CSMD3: variants seen among roughly 807,000 people sequenced by gnomAD.
CSMD3 encodes CUB and sushi domain-containing protein 3.
CSMD3 carries 177 observed loss-of-function variants against 435.2 expected under a neutral mutation model. The ratio of observed to expected loss-of-function variants is 0.41; its 90% confidence interval spans 0.36 to 0.46. The LOEUF is 0.46. Ranked by LOEUF, CSMD3 falls within the 20% of genes least tolerant of loss-of-function variation. The pLI is 0.34. For synonymous variants in CSMD3, 1,656 were observed against 1,520.5 expected (o/e 1.09, Z -2.07); for missense variants, 4,265 against 4,504.6 (o/e 0.95, Z 1.52).
At chr8:113,016,860 C>T (rs932189599) in intron 6 of CSMD3, among the ~76,000 whole-genome samples, 5 of 151,730 alleles carry the variant, frequency 3.3e-5, no homozygotes, top group South Asian at 2.1e-4. Context: ...TCTTAGTACA[C>T]ATATATTTTT....
At chr8:112,282,828 G>A (rs1818794714) in intron 58 of CSMD3, among the ~76,000 whole-genome samples, 1 of 152,062 alleles carries the variant, frequency 6.6e-6, no homozygotes. Context: ...CTGCAATATT[G>A]ACATTTAGGA....
chr8:112,671,746 G>A (rs2075660787), intron 16 of CSMD3, among the ~76,000 whole-genome samples: 2 of 151,938 alleles, frequency 1.3e-5, no homozygotes, highest in Admixed American at 6.6e-5. Context: ...TACTTCCACA[G>A]TAGATTTATT....
chr8:113,239,819 C>CAT (rs1212448978), intron 3 of CSMD3, among the ~76,000 whole-genome samples: 6 of 152,058 alleles, frequency 3.9e-5, no homozygotes, highest in East Asian at 1.9e-4. Flanking sequence ...TTAGAAAATA[C>CAT]ATATATCCTC....
chr8:112,603,215 C>G (rs1832520421), intron 22 of CSMD3, among the ~76,000 whole-genome samples: 1 of 152,172 alleles, frequency 6.6e-6, no homozygotes, highest in African/African-American at 2.4e-5. Context: ...TGACATTTTT[C>G]TGCTTCTTGG....
At chr8:112,274,806 T>C (rs1817875812) in intron 59 of CSMD3, among the ~76,000 whole-genome samples, 1 of 152,106 alleles carries the variant, frequency 6.6e-6, no homozygotes, top group Admixed American at 6.5e-5. Flanking sequence ...CTCATGCAAG[T>C]ATGTATCTAC....
chr8:112,463,076 G>A (rs1309381051), intron 32 of CSMD3, among the ~76,000 whole-genome samples: 1 of 152,092 alleles, frequency 6.6e-6, no homozygotes, highest in African/African-American at 2.4e-5. Context: ...TCCAAACCAG[G>A]GCTGGGCGCA....
intron 4 of CSMD3, among the ~76,000 whole-genome samples, chr8:113,114,577 T>C (rs1192605461): frequency 2.0e-5 from 3 of 152,160 alleles, no homozygotes; most frequent in Non-Finnish European, 2.9e-5. Context: ...CCACAGTGTA[T>C]AGATTAGCTA....
chr8:113,426,265 T>C (rs1045707457), intron 1 of CSMD3, among the ~76,000 whole-genome samples: 11 of 151,386 alleles, frequency 7.3e-5, no homozygotes, highest in Non-Finnish European at 1.3e-4. Flanking sequence ...CATTTCTGCA[T>C]AATGAAAATA....
At chr8:112,315,346 T>G (rs1244289582) in intron 47 of CSMD3, among the ~76,000 whole-genome samples, 1 of 151,868 alleles carries the variant, frequency 6.6e-6, no homozygotes, top group Non-Finnish European at 1.5e-5. Flanking sequence ...TATAGCAAAT[T>G]TTAGTTGTTG....
chr8:113,221,431 G>C (rs939617664), intron 3 of CSMD3, among the ~76,000 whole-genome samples: 4 of 150,320 alleles, frequency 2.7e-5, no homozygotes, highest in Non-Finnish European at 6.0e-5. Flanking sequence ...GTAAAATGTA[G>C]ATAATAGGTC....
intron 53 of CSMD3, 66 bp downstream of exon 53, chr8:112,301,727 G>C (rs749951490): frequency 2.3e-5 from 27 of 1,196,584 alleles, no homozygotes; most frequent in Non-Finnish European, 3.2e-5. Flanking sequence ...TAGGGAAAAA[G>C]AGATGCCTCT....
At chr8:112,281,675 T>A (rs1388041785) in intron 58 of CSMD3, among the ~76,000 whole-genome samples, 1 of 152,086 alleles carries the variant, frequency 6.6e-6, no homozygotes, top group African/African-American at 2.4e-5. Context: ...ATTATAAGAA[T>A]CTCTGTCTAA....
rs2075646359 is a variant in CSMD3 at position 112,671,153 on chromosome 8, CTTTAG to C, written c.2678-4743_2678-4739del. 3.3e-5 allele frequency among the ~76,000 whole-genome samples: 5 copies of C among 152,176 alleles called. No homozygotes were observed. The South Asian group carries it at 1.0e-3, about 32-fold the overall frequency. Reference sequence around the variant, plus strand: ...TTATATCTCAGTTGACTGAGATAAACTTTAGTTTAACTAAATTTAGACAGGCTTCT... The same window carrying C: ...TTATATCTCAGTTGACTGAGATAAACTTTAACTAAATTTAGACAGGCTTCT... On this transcript the variant is annotated intron_variant, in intron 16 of 70. Transcript: ENST00000297405.
chr8:112,321,099 A>G (rs559598476), intron 45 of CSMD3, among the ~76,000 whole-genome samples: 1 of 152,248 alleles, frequency 6.6e-6, no homozygotes, highest in East Asian at 1.9e-4. Flanking sequence ...AGTCTTCTAA[A>G]AATGTACTAT....
In CSMD3 at chr8:112,457,001, T is replaced by C. The variant is rs143374029; in HGVS notation, c.5395+15590A>G. ...CCAAATTAAAATTCAAATATAAATC[T>C]CTTTTACAAAACTGATTTATATGTC... is the stretch of plus-strand genomic sequence containing the variant. On this transcript the variant is annotated intron_variant, in intron 32 of 70. Coordinates refer to ENST00000297405, the MANE Select transcript of CSMD3 (RefSeq NM_198123.2). Among the ~76,000 whole-genome samples, 574 of 152,244 alleles carry C rather than the reference T, an allele frequency of 3.8e-3. 2 individuals carry two copies. The highest frequency in any genetic ancestry group is 0.013 in the African/African-American group (546 of 41,584).
chr8:112,829,916 CACACACACACAA>C (rs1313814755), intron 11 of CSMD3, 127 bp from the exon 12 acceptor site: 5 of 557,716 alleles, frequency 9.0e-6, no homozygotes, highest in Admixed American at 2.7e-5. Flanking sequence ...CACACACACA[CACACACACACAA>C]GCAGTTCAAT....
At chr8:112,913,077 T>C (rs2082471386) in intron 10 of CSMD3, among the ~76,000 whole-genome samples, 2 of 151,956 alleles carry the variant, frequency 1.3e-5, no homozygotes. Flanking sequence ...TCATTAGCCT[T>C]GTTTACTGCA....
At chr8:113,150,323 G>A (rs2091777621) in intron 4 of CSMD3, among the ~76,000 whole-genome samples, 1 of 151,922 alleles carries the variant, frequency 6.6e-6, no homozygotes, top group Admixed American at 6.6e-5. Context: ...GATCTAATCA[G>A]GTGAGGTCTT....
intron 24 of CSMD3, among the ~76,000 whole-genome samples, chr8:112,564,260 G>T (rs925551462): frequency 6.6e-6 from 1 of 150,654 alleles, no homozygotes; most frequent in Admixed American, 6.6e-5. Context: ...CCTTTCTATA[G>T]GGAGGTTTTC....
Sources: allele counts gnomAD v4.1 joint callset (sites outside exome capture counted in the v4.1 genomes callset), GRCh38; gene constraint gnomAD v4.1.1; transcripts MANE v1.5; gene names NCBI Gene and HGNC (gene_info 2026-07-23, HGNC 2026-07-21).